Variants in TAFA1 observed in about 807,000 individuals in gnomAD.
TAFA1 encodes chemokine-like protein TAFA-1.
TAFA1 carries 4 observed loss-of-function variants against 18.5 expected under a neutral mutation model. The ratio of observed to expected loss-of-function variants is 0.22; its 90% CI spans 0.11 to 0.49. The LOEUF (loss-of-function observed/expected upper bound fraction) is 0.49, where lower values mean the gene tolerates loss of function less well. Among genes scored for constraint, TAFA1 ranks in the 20% least tolerant of loss-of-function variants. The pLI is 0.98. For synonymous variants in TAFA1, 56 were observed against 55.2 expected (o/e 1.01, Z -0.06); for missense variants, 147 against 169.0 (o/e 0.87, Z 0.72).
chr3:68,406,729 G>A (rs2070618505), intron 2 of TAFA1, among the ~76,000 whole-genome samples: 1 of 152,316 alleles, frequency 6.6e-6, no homozygotes, highest in Non-Finnish European at 1.5e-5. Context: ...AGATCTAAGA[G>A]TAGCCCAAAG....
chr3:68,143,534 C>T (rs116888264), intron 2 of TAFA1, among the ~76,000 whole-genome samples: 3,828 of 152,220 alleles, frequency 0.025, 89 homozygotes, highest in Middle Eastern at 0.048. Context: ...AATTCCTTGT[C>T]GTGGGGACTG....
intron 2 of TAFA1, among the ~76,000 whole-genome samples, chr3:68,252,245 T>G (rs1181911282): frequency 6.6e-6 from 1 of 152,170 alleles, no homozygotes; most frequent in African/African-American, 2.4e-5. Context: ...CTATTCAGGT[T>G]TCAAGTTTTG....
At position 68,039,086 on chromosome 3, in the gene TAFA1, C is replaced by T. The variant is rs77613986; in HGVS notation, c.118+32342C>T. Among the ~76,000 whole-genome samples, 631 of 152,322 alleles carry T rather than the reference C, an allele frequency of 4.1e-3. 4 individuals carry two copies. Among genetic ancestry groups the T allele is most frequent in the African/African-American group, 0.014 (579 of 41,568 alleles). ...CTTGTCCTCTGTCTACATCCAAGCC[C>T]TGCCATCTGCTGGTCCCCATATCAG... is the stretch of plus-strand genomic sequence containing the variant. On this transcript the variant is annotated intron_variant, in intron 2 of 4. Transcript: ENST00000478136.
intron 2 of TAFA1, among the ~76,000 whole-genome samples, chr3:68,289,348 A>G (rs1486758003): frequency 1.3e-5 from 2 of 152,074 alleles, no homozygotes; most frequent in Non-Finnish European, 2.9e-5. Context: ...TCTATGGTTC[A>G]TGTTTTTTTG....
chr3:68,391,815 G>A (rs1230038656), intron 2 of TAFA1, among the ~76,000 whole-genome samples: 3 of 152,162 alleles, frequency 2.0e-5, no homozygotes, highest in African/African-American at 7.2e-5. Context: ...AATGCTGAGG[G>A]ATTTTGTCAC....
intron 2 of TAFA1, among the ~76,000 whole-genome samples, chr3:68,387,672 G>A (rs1010912047): frequency 4.6e-5 from 7 of 151,530 alleles, no homozygotes; most frequent in Non-Finnish European, 5.9e-5. Flanking sequence ...TCGTTTTTCT[G>A]CTTTCACTCA....
chr3:68,353,682 G>T (rs566083299), intron 2 of TAFA1, among the ~76,000 whole-genome samples: 2 of 152,150 alleles, frequency 1.3e-5, no homozygotes, highest in African/African-American at 4.8e-5. Context: ...GCCTGAGGCA[G>T]ACAGCAGAGG....
At chr3:68,260,820 G>A (rs1311635564) in intron 2 of TAFA1, among the ~76,000 whole-genome samples, 1 of 152,068 alleles carries the variant, frequency 6.6e-6, no homozygotes, top group East Asian at 1.9e-4. Flanking sequence ...AAAAATCCTA[G>A]AAGAAAACCT....
intron 3 of TAFA1, among the ~76,000 whole-genome samples, chr3:68,419,638 G>C (rs994755599): frequency 6.6e-6 from 1 of 152,096 alleles, no homozygotes; most frequent in Non-Finnish European, 1.5e-5. Context: ...TCACTTGCTT[G>C]GTTCACATAA....
chr3:68,370,780 GTT>G (rs34524243), intron 2 of TAFA1, among the ~76,000 whole-genome samples: 7 of 122,108 alleles, frequency 5.7e-5, no homozygotes, highest in Admixed American at 8.8e-5. Flanking sequence ...TGTTTTCGTT[GTT>G]TTTTTTTTTT....
intron 2 of TAFA1, among the ~76,000 whole-genome samples, chr3:68,019,849 A>G (rs1370292055): frequency 6.6e-6 from 1 of 152,202 alleles, no homozygotes; most frequent in Non-Finnish European, 1.5e-5. Context: ...TTCCTGACAC[A>G]CAGCCCATTC....
At chr3:68,007,873 C>G (rs1043644102) in intron 2 of TAFA1, among the ~76,000 whole-genome samples, 1 of 152,238 alleles carries the variant, frequency 6.6e-6, no homozygotes, top group African/African-American at 2.4e-5. Flanking sequence ...GCAATACCTT[C>G]CGGGGCCCCG....
chr3:68,126,639 A>G (rs765404073), intron 2 of TAFA1, among the ~76,000 whole-genome samples: 6 of 152,252 alleles, frequency 3.9e-5, no homozygotes, highest in Non-Finnish European at 5.9e-5. Flanking sequence ...AGGGTGAACT[A>G]TTTGGTACAC....
At chr3:68,501,052 G>T (rs1352508816) in intron 3 of TAFA1, among the ~76,000 whole-genome samples, 3 of 151,094 alleles carry the variant, frequency 2.0e-5, no homozygotes, top group African/African-American at 7.3e-5. Context: ...CTACTCGGGA[G>T]GCTGAGGCAC....
At chr3:67,993,412 C>T in the TAFA1 span, among the ~76,000 whole-genome samples, 36 of 152,276 alleles carry the variant, frequency 2.4e-4, 1 homozygote, top group African/African-American at 7.2e-4. Context: ...TATGGATACT[C>T]CCCAGTTGGC....
chr3:68,137,866 G>A (rs1027077676), intron 2 of TAFA1, among the ~76,000 whole-genome samples: 3 of 152,060 alleles, frequency 2.0e-5, no homozygotes, highest in Non-Finnish European at 2.9e-5. Flanking sequence ...CCTAAAGCAC[G>A]AAAGATGTCC....
intron 2 of TAFA1, among the ~76,000 whole-genome samples, chr3:68,146,603 A>G (rs1261566588): frequency 6.6e-6 from 1 of 152,250 alleles, no homozygotes; most frequent in African/African-American, 2.4e-5. Flanking sequence ...ATTTTTTAAA[A>G]AACATGTTTC....
chr3:68,219,505 A>C (rs974386818), intron 2 of TAFA1, among the ~76,000 whole-genome samples: 1 of 152,074 alleles, frequency 6.6e-6, no homozygotes, highest in East Asian at 1.9e-4. Flanking sequence ...TGGCCTCTAC[A>C]TCCAGGCCCA....
chr3:68,157,749 G>A (rs973764500), intron 2 of TAFA1, among the ~76,000 whole-genome samples: 1 of 151,976 alleles, frequency 6.6e-6, no homozygotes, highest in Non-Finnish European at 1.5e-5. Flanking sequence ...TCTCCAAATA[G>A]CTCTGGCTAC....
Sources: allele counts gnomAD v4.1 joint callset (sites outside exome capture counted in the v4.1 genomes callset), GRCh38; gene constraint gnomAD v4.1.1; transcripts MANE v1.5; gene names NCBI Gene and HGNC (gene_info 2026-07-23, HGNC 2026-07-21).